Variants in HPD observed in about 807,000 individuals in gnomAD.
HPD encodes the protein 4-hydroxyphenylpyruvate dioxygenase.
HPD carries 35 observed loss-of-function variants against 56.9 expected under a neutral mutation model. The observed-to-expected ratio is 0.62, with a 90% CI of 0.47 to 0.82. The LOEUF is 0.82. HPD is among the 40% of genes least tolerant of loss of function. HPD has a pLI of 0.00. For synonymous variants in HPD, 186 were observed against 200.2 expected (o/e 0.93, Z 0.60); for missense variants, 442 against 506.8 (o/e 0.87, Z 1.23).
At chr12:121,848,852 C>G in intron 9 of HPD, 147 bp downstream of exon 9, 1 of 739,138 alleles carries the variant, frequency 1.4e-6, no homozygotes. Flanking sequence ...GTGATCCTCC[C>G]ACCTCGGCTT....
intron 6 of HPD, among the ~76,000 whole-genome samples, chr12:121,854,999 T>G (rs1294520572): frequency 6.6e-6 from 1 of 152,052 alleles, no homozygotes; most frequent in Non-Finnish European, 1.5e-5. Flanking sequence ...AGGCCCAGAG[T>G]TGGGGCTATG....
At chr12:121,885,415 T>C in the HPD span, among the ~76,000 whole-genome samples, 1 of 150,424 alleles carries the variant, frequency 6.6e-6, no homozygotes, top group Non-Finnish European at 1.5e-5. Context: ...TTGGCCAGGA[T>C]GGTCTCCATC....
the HPD span, among the ~76,000 whole-genome samples, chr12:121,881,132 G>A: frequency 1.3e-5 from 2 of 152,130 alleles, no homozygotes; most frequent in African/African-American, 2.4e-5. Flanking sequence ...TCTGCTCCAC[G>A]CTCTGCCCAG....
At chr12:121,843,673 T>TC in intron 12 of HPD, 37 bp downstream of exon 12, 3 of 1,611,794 alleles carry the variant, frequency 1.9e-6, no homozygotes, top group Non-Finnish European at 2.5e-6. Flanking sequence ...GAGCTCATAC[T>TC]CCCCCCACAA....
At chr12:121,856,456 C>G (rs771287187) in intron 5 of HPD, 50 bp from the exon 6 acceptor site, 2 of 1,599,652 alleles carry the variant, frequency 1.3e-6, no homozygotes, top group Non-Finnish European at 1.7e-6. Context: ...TCTAGGTCCC[C>G]TCACCTGGCT....
the HPD span, among the ~76,000 whole-genome samples, chr12:121,873,871 C>A: frequency 6.6e-6 from 1 of 152,086 alleles, no homozygotes; most frequent in Non-Finnish European, 1.5e-5. Context: ...GTAATCCCAG[C>A]GCTTTGGGAG....
At chr12:121,861,720 T>C (rs1333441895), upstream of HPD, among the ~76,000 whole-genome samples, 1 of 152,190 alleles carries the variant, frequency 6.6e-6, no homozygotes, top group East Asian at 1.9e-4. Context: ...AGAGTCATGA[T>C]TTTCTAGCTG....
upstream of HPD, among the ~76,000 whole-genome samples, chr12:121,862,511 T>C (rs1430566774): frequency 1.3e-5 from 2 of 151,100 alleles, no homozygotes; most frequent in African/African-American, 4.9e-5. Flanking sequence ...TGGTCAGGCA[T>C]GTCTCGAACT....
At chr12:121,885,496 G>T in the HPD span, among the ~76,000 whole-genome samples, 16 of 151,150 alleles carry the variant, frequency 1.1e-4, no homozygotes, top group East Asian at 3.2e-3. Context: ...CACCACGCCC[G>T]GCCTATATCT....
the HPD span, among the ~76,000 whole-genome samples, chr12:121,887,178 G>T: frequency 6.6e-6 from 1 of 151,840 alleles, no homozygotes; most frequent in Non-Finnish European, 1.5e-5. Context: ...GGGATTACAG[G>T]TGTGAATCAC....
chr12:121,878,649 T>A, the HPD span, among the ~76,000 whole-genome samples: 1 of 151,612 alleles, frequency 6.6e-6, no homozygotes, highest in Non-Finnish European at 1.5e-5. Context: ...GTGCCCAGGT[T>A]ACAGATATGT....
the HPD span, among the ~76,000 whole-genome samples, chr12:121,885,482 G>C: frequency 6.6e-6 from 1 of 151,776 alleles, no homozygotes; most frequent in African/African-American, 2.4e-5. Context: ...TTACAGGTGT[G>C]AGCCACCACG....
At chr12:121,856,274 C>T in intron 6 of HPD, 50 bp downstream of exon 6, 1 of 1,454,080 alleles carries the variant, frequency 6.9e-7, no homozygotes, top group Non-Finnish European at 9.7e-7. Context: ...ATGGGGTCCC[C>T]ATGGCAGACG....
upstream of HPD, among the ~76,000 whole-genome samples, chr12:121,866,156 C>A (rs981814606): frequency 2.6e-5 from 4 of 151,742 alleles, no homozygotes; most frequent in East Asian, 7.7e-4. Context: ...ACAAAATTAG[C>A]CAGGCATGGT....
chr12:121,845,969 A>AGCTAACT (rs1877570835), intron 11 of HPD, among the ~76,000 whole-genome samples: 1 of 152,104 alleles, frequency 6.6e-6, no homozygotes. Flanking sequence ...GCTCAATCAT[A>AGCTAACT]GCTAACTGCA....
Position 121,847,141 on chromosome 12 carries a change from G to C in HPD, c.670C>G (p.Leu224Val). The C allele has an allele frequency of 6.2e-7, 1 of 1,614,198 alleles. No homozygotes were observed. ...TAGTTGGCCACCACAATGGATCGCA[G>C]AGAGCTATATTCCGTGTGCACCTGC... ...DTQVHTEYSS[L>V]RSIVVANYEE... is the part of the protein sequence containing the mutation. The change falls in exon 10 of 14, where the codon CTG (leucine) becomes GTG (valine). Residue 224 changes from leucine to valine, a missense_variant. Leu to Val is a conservative substitution (Grantham distance 32). Coordinates refer to ENST00000289004, the MANE Select transcript of HPD (RefSeq NM_002150.3).
intron 7 of HPD, among the ~76,000 whole-genome samples, chr12:121,852,226 C>T (rs1397593495): frequency 6.6e-6 from 1 of 151,980 alleles, no homozygotes; most frequent in African/African-American, 2.4e-5. Context: ...CACTTTGTTG[C>T]GCAGGCTGGT....
the HPD span, among the ~76,000 whole-genome samples, chr12:121,887,874 A>C: frequency 2.0e-5 from 3 of 152,196 alleles, no homozygotes; most frequent in African/African-American, 7.2e-5. Flanking sequence ...CAGGGCAAAC[A>C]TGTTTGAATA....
chr12:121,856,473 C>T lies in HPD; in HGVS notation c.242-67G>A, dbSNP rs1440052320. The T allele has an allele frequency of 1.3e-5, 21 of 1,595,876 alleles. No homozygotes were observed. The Admixed American group carries it at 3.3e-4, about 25-fold the overall frequency. The stretch of plus-strand genomic sequence containing the variant: ...TAGGTCCCCTCACCTGGCTTTTAGT[C>T]TCCATCCAGGCCCTGAACCCAGAGC... On this transcript the variant is annotated intron_variant, in intron 5 of 13. Transcript: ENST00000289004.
Sources: allele counts gnomAD v4.1 joint callset (sites outside exome capture counted in the v4.1 genomes callset), GRCh38; gene constraint gnomAD v4.1.1; transcripts MANE v1.5; gene names NCBI Gene and HGNC (gene_info 2026-07-23, HGNC 2026-07-21).